The following UBTD1 variants were observed in gnomAD, a reference collection of about 807,000 sequenced individuals.
The protein encoded by UBTD1 is ubiquitin domain containing 1.
UBTD1 carries 19 observed loss-of-function variants against 21.7 expected under a neutral mutation model. The observed-to-expected ratio is 0.87, with a 90% CI of 0.61 to 1.28. The LOEUF is 1.28. Among genes scored for constraint, UBTD1 ranks in the 50% most tolerant of loss-of-function variants. The pLI is 0.00. For missense variants in UBTD1, 282 were observed against 315.1 expected, an observed-to-expected ratio of 0.89 and a Z score of 0.80; for synonymous variants, 116 against 135.1, an observed-to-expected ratio of 0.86 and a Z score of 0.98.
chr10:97,551,062 A>G (rs543461816), intron 1 of UBTD1, among the ~76,000 whole-genome samples: 2 of 152,190 alleles, frequency 1.3e-5, no homozygotes, highest in Non-Finnish European at 2.9e-5. Context: ...ATAGGTTCTT[A>G]AGTCAGATCA....
intron 1 of UBTD1, among the ~76,000 whole-genome samples, chr10:97,543,835 G>T (rs775958820): frequency 8.5e-5 from 13 of 152,200 alleles, no homozygotes; most frequent in Non-Finnish European, 1.8e-4. Flanking sequence ...CCTCCAGCCC[G>T]AACAGTTGTG....
chr10:97,551,362 C>T (rs536497399), intron 1 of UBTD1, among the ~76,000 whole-genome samples: 2 of 147,768 alleles, frequency 1.4e-5, no homozygotes, highest in South Asian at 4.5e-4. Flanking sequence ...ATAGGGAGAC[C>T]TCTCTATTAA....
chr10:97,499,592 T>G (rs2040324592), intron 1 of UBTD1, among the ~76,000 whole-genome samples: 2 of 152,068 alleles, frequency 1.3e-5, no homozygotes. Context: ...AGGGCGCCGC[T>G]GGCCTGGCAG....
chr10:97,516,637 C>T (rs953908666), intron 1 of UBTD1, among the ~76,000 whole-genome samples: 5 of 152,016 alleles, frequency 3.3e-5, no homozygotes, highest in South Asian at 4.1e-4. Flanking sequence ...TAGCCGGGCA[C>T]GGTGGCAGGC....
At chr10:97,522,923 C>T (rs189617253) in intron 1 of UBTD1, among the ~76,000 whole-genome samples, 10 of 152,102 alleles carry the variant, frequency 6.6e-5, no homozygotes, top group Admixed American at 6.5e-4. Context: ...CCTTTAGAGG[C>T]TTTCATCTCC....
At position 97,519,519 on chromosome 10, in the gene UBTD1, C is replaced by G. The variant is rs748785591; in HGVS notation, c.70+20246C>G. On this transcript the variant is annotated intron_variant, in intron 1 of 2. Coordinates refer to ENST00000370664, the MANE Select transcript of UBTD1 (RefSeq NM_024954.5). ...AACATTTCTGCTCTTTGTGGTAAAC[C>G]TTTTGTGTGCTATTATTGTCCGTGA... Among the ~76,000 whole-genome samples the G allele has an allele frequency of 2.6e-4, 39 of 152,104 alleles. 1 individual carries two copies. Among genetic ancestry groups the G allele is most frequent in the Admixed American group, 1.3e-4 (2 of 15,258 alleles).
At chr10:97,561,318 C>T (rs1400954516) in intron 1 of UBTD1, among the ~76,000 whole-genome samples, 1 of 152,066 alleles carries the variant, frequency 6.6e-6, no homozygotes, top group Admixed American at 6.6e-5. Flanking sequence ...GGTCAGGGAA[C>T]CAAGAAATGT....
At chr10:97,554,606 A>G (rs1016218038) in intron 1 of UBTD1, among the ~76,000 whole-genome samples, 1 of 152,100 alleles carries the variant, frequency 6.6e-6, no homozygotes, top group Non-Finnish European at 1.5e-5. Context: ...GCTGGGGTGC[A>G]GTGGTGCAGT....
chr10:97,516,870 A>G (rs1460872668), intron 1 of UBTD1, among the ~76,000 whole-genome samples: 1 of 152,090 alleles, frequency 6.6e-6, no homozygotes, highest in Non-Finnish European at 1.5e-5. Flanking sequence ...AGTGGGGACC[A>G]ACCTGCACCA....
At chr10:97,524,041 C>T (rs932448057) in intron 1 of UBTD1, among the ~76,000 whole-genome samples, 3 of 152,178 alleles carry the variant, frequency 2.0e-5, no homozygotes, top group Admixed American at 2.0e-4. Context: ...TCTTTAGCAG[C>T]AGGACTTGGC....
intron 1 of UBTD1, among the ~76,000 whole-genome samples, chr10:97,548,038 G>C (rs773566865): frequency 6.6e-6 from 1 of 152,196 alleles, no homozygotes; most frequent in Non-Finnish European, 1.5e-5. Flanking sequence ...AGTCCCATGA[G>C]GTGGGAGTTA....
intron 1 of UBTD1, among the ~76,000 whole-genome samples, chr10:97,528,022 G>A (rs1324929844): frequency 1.3e-5 from 2 of 150,558 alleles, no homozygotes; most frequent in Non-Finnish European, 1.5e-5. Context: ...CAGTAGAGGC[G>A]GCCGGGCAGA....
intron 1 of UBTD1, among the ~76,000 whole-genome samples, chr10:97,556,501 C>T (rs545706175): frequency 2.0e-5 from 3 of 152,296 alleles, no homozygotes; most frequent in Non-Finnish European, 4.4e-5. Flanking sequence ...CTGTGTGATT[C>T]GGTTGAGCAT....
At chr10:97,553,687 C>G (rs1332177948) in intron 1 of UBTD1, among the ~76,000 whole-genome samples, 1 of 152,156 alleles carries the variant, frequency 6.6e-6, no homozygotes, top group African/African-American at 2.4e-5. Context: ...CTGCGGCTGC[C>G]CTCTGCTGGC....
chr10:97,543,695 AAGAC>A (rs2040596255), intron 1 of UBTD1, among the ~76,000 whole-genome samples: 2 of 152,222 alleles, frequency 1.3e-5, no homozygotes, highest in South Asian at 4.1e-4. Flanking sequence ...ACAGACCTGA[AAGAC>A]AGAAAGACAG....
At chr10:97,504,789 G>A (rs1230193473) in intron 1 of UBTD1, among the ~76,000 whole-genome samples, 2 of 152,210 alleles carry the variant, frequency 1.3e-5, no homozygotes, top group Admixed American at 6.5e-5. Flanking sequence ...GTTAAGGCAG[G>A]TATCTTAATG....
chr10:97,537,712 A>G (rs1194724259), intron 1 of UBTD1, among the ~76,000 whole-genome samples: 3 of 151,984 alleles, frequency 2.0e-5, no homozygotes, highest in Non-Finnish European at 2.9e-5. Context: ...ACAGGGTCAG[A>G]GCTGGACATG....
rs1309610915 is a variant in UBTD1 at position 97,528,596 on chromosome 10, G to A, written c.70+29323G>A. Among the ~76,000 whole-genome samples the A allele has an allele frequency of 1.2e-4, 10 of 80,588 alleles. 3 individuals are homozygous for A. Among genetic ancestry groups the A allele is most frequent in the African/African-American group, 3.0e-4 (7 of 23,228 alleles). The allele number at this position is 80,588 out of a possible 152,430, so 52.9% of individuals were successfully genotyped here. On this transcript the variant is annotated intron_variant, in intron 1 of 2. Transcript: ENST00000370664. ...GGGCTCACCCCCCCACCTCCCTCCC[G>A]AACGGGGCGGCTGGCCGGGCGGGGG...
intron 1 of UBTD1, among the ~76,000 whole-genome samples, chr10:97,565,041 G>A (rs1589884917): frequency 6.6e-6 from 1 of 152,140 alleles, no homozygotes; most frequent in East Asian, 1.9e-4. Context: ...CACATGTAAT[G>A]ATTGATGTCT....
Sources: gnomAD v4.1 joint callset for allele counts (sites outside exome capture counted in the v4.1 genomes callset) on GRCh38, gnomAD v4.1.1 for gene constraint, MANE v1.5 for transcripts, NCBI Gene and HGNC (gene_info 2026-07-23, HGNC 2026-07-21) for gene names.